Variants in C2CD3 observed in about 807,000 individuals in gnomAD.
The protein encoded by C2CD3 is C2 domain-containing protein 3.
In C2CD3, 148 loss-of-function variants were observed where a neutral mutation model predicts 234.0. That is an observed-to-expected ratio of 0.63 (90% CI 0.55 to 0.72). The LOEUF (loss-of-function observed/expected upper bound fraction) is 0.72. Ranked by LOEUF, C2CD3 falls within the 30% of genes least tolerant of loss-of-function variation. The pLI is 0.00. For synonymous variants in C2CD3, 1,000 were observed against 1,035.4 expected, an observed-to-expected ratio of 0.97 and a Z score of 0.66; for missense variants, 2,577 against 2,811.5, an observed-to-expected ratio of 0.92 and a Z score of 1.89.
intron 23 of C2CD3, among the ~76,000 whole-genome samples, chr11:74,077,770 AGT>A (rs1955106482): frequency 1.1e-5 from 1 of 93,450 alleles, no homozygotes; most frequent in African/African-American, 3.6e-5. Context: ...CAGAACTTAC[AGT>A]ATATATATAT....
chr11:74,016,045 C>T (rs1951870289), intron 32 of C2CD3, among the ~76,000 whole-genome samples: 1 of 152,286 alleles, frequency 6.6e-6, no homozygotes, highest in Non-Finnish European at 1.5e-5. Flanking sequence ...CTACTGCACT[C>T]CAACCTGGGT....
rs755460947 is a variant in C2CD3, at chr11:74,113,760, A to G, written c.1843+20T>C. 2 of 1,370,938 alleles carry G rather than the reference A, an allele frequency of 1.5e-6. No homozygotes were observed. The highest frequency in any genetic ancestry group is 2.8e-5 in the African/African-American group (2 of 70,214). The allele number at this position is 1,370,938 out of a possible 1,614,324, so 84.9% of individuals were successfully genotyped here. On this transcript the variant is annotated intron_variant, in intron 11 of 32. Coordinates refer to ENST00000334126, the MANE Select transcript of C2CD3 (RefSeq NM_001286577.2). ...CAAAGTCAGAATGTCTAAGGTGCAG[A>G]AAACCAGTGTGTCTCTTACTTCCAT...
chr11:74,078,217 C>A lies in C2CD3; in HGVS notation c.4501G>T (p.Asp1501Tyr). 6.2e-7 allele frequency: 1 copy of A among 1,614,148 alleles called. No homozygotes were observed. The highest frequency in any genetic ancestry group is 2.2e-5 in the East Asian group (1 of 44,868). ...GTCTGATGGGGTCTCTCCACACTGT[C>A]ATTGCCATAAGCTCGCCACACTTGG... ...EIQVWRAYGN[D>Y]SVERPHQTDS... Residue 1501 changes from aspartate (D) to tyrosine (Y), a missense_variant, in exon 23 of 33, where the codon GAC (aspartate) becomes TAC (tyrosine). Transcript: ENST00000334126.
rs948581297 is a variant in C2CD3 at position 74,013,120 on chromosome 11, T to G, written c.*265A>C. 1 of 231,872 alleles carries G rather than the reference T, an allele frequency of 4.3e-6. No individual in the cohort carries two copies. The highest frequency in any genetic ancestry group is 5.7e-5 in the Admixed American group (1 of 17,492). 14.4% of individuals were successfully genotyped at this position (231,872 alleles called of 1,614,324 possible). On this transcript the variant is annotated 3_prime_UTR_variant, in exon 33 of 33. Coordinates refer to ENST00000334126, the MANE Select transcript of C2CD3 (RefSeq NM_001286577.2). Reference sequence around the variant, plus strand: ...CGAAAGATGCCTGCTTGGGTCCCACTTGGGCGCGGATTCCATTTTATTTCT... The same window carrying G: ...CGAAAGATGCCTGCTTGGGTCCCACGTGGGCGCGGATTCCATTTTATTTCT...
At chr11:74,159,101 G>A (rs552653193) in intron 3 of C2CD3, among the ~76,000 whole-genome samples, 9 of 151,994 alleles carry the variant, frequency 5.9e-5, no homozygotes, top group African/African-American at 1.7e-4. Context: ...AATTCCTATC[G>A]CCTAGTGACT....
intron 31 of C2CD3, among the ~76,000 whole-genome samples, chr11:74,029,435 GAATGAATGA>G (rs2135409295): frequency 6.6e-6 from 1 of 152,338 alleles, no homozygotes; most frequent in Admixed American, 6.5e-5. Flanking sequence ...AATATCTTGT[GAATGAATGA>G]AATGCATTGA....
At chr11:74,115,207 C>CAT (rs1956882943) in intron 9 of C2CD3, among the ~76,000 whole-genome samples, 1 of 151,606 alleles carries the variant, frequency 6.6e-6, no homozygotes, top group African/African-American at 2.4e-5. Flanking sequence ...CACACACACA[C>CAT]ACATACATAC....
intron 3 of C2CD3, 138 bp from the exon 4 acceptor site, chr11:74,139,966 G>A: frequency 2.1e-6 from 1 of 481,770 alleles, no homozygotes; most frequent in African/African-American, 2.6e-5. Context: ...CTAGAGGATT[G>A]TAAGGAATGT....
rs548334407 is a variant in C2CD3 at position 74,082,833 on chromosome 11, G to A, written c.4000+2048C>T. Reference sequence around the variant, plus strand: ...AAGAACATTCCATGCTCATGGATAGGAAGAATCAATATTGTGAAAATGGCC... The same window carrying A: ...AAGAACATTCCATGCTCATGGATAGAAAGAATCAATATTGTGAAAATGGCC... On this transcript the variant is annotated intron_variant, in intron 22 of 32. Transcript: ENST00000334126. Among the ~76,000 whole-genome samples, 10 of 152,266 alleles carry A rather than the reference G, an allele frequency of 6.6e-5. No individual in the cohort carries two copies. The South Asian group carries it at 2.1e-3, about 32-fold the overall frequency.
chr11:74,117,854 G>T (rs184357399), intron 9 of C2CD3, among the ~76,000 whole-genome samples: 2 of 151,458 alleles, frequency 1.3e-5, no homozygotes, highest in African/African-American at 4.9e-5. Context: ...TGGAGGTTGC[G>T]GTGATCTGAG....
chr11:74,108,446 A>AT (rs1245580494), intron 12 of C2CD3, among the ~76,000 whole-genome samples: 7 of 152,230 alleles, frequency 4.6e-5, no homozygotes, highest in African/African-American at 1.4e-4. Flanking sequence ...GTTATAGTTT[A>AT]TTGATTTACA....
At chr11:74,102,717 C>T (rs1430894037) in intron 14 of C2CD3, among the ~76,000 whole-genome samples, 1 of 152,094 alleles carries the variant, frequency 6.6e-6, no homozygotes. Flanking sequence ...TTAAGCACCA[C>T]ATTACACAGA....
At chr11:74,150,367 A>G (rs1428142583) in intron 3 of C2CD3, among the ~76,000 whole-genome samples, 1 of 151,646 alleles carries the variant, frequency 6.6e-6, no homozygotes, top group Non-Finnish European at 1.5e-5. Flanking sequence ...ACATGCCTGT[A>G]ATCCTAGCTA....
rs1302247838 is a variant in C2CD3 at position 74,090,837 on chromosome 11, GCT to G, written c.3615_3616del (p.Arg1205SerfsTer13). The G allele has an allele frequency of 6.2e-7, 1 of 1,614,118 alleles. No homozygotes were observed. Among genetic ancestry groups the G allele is most frequent in the Non-Finnish European group, 8.5e-7 (1 of 1,179,990 alleles). On this transcript the variant is annotated frameshift_variant, in exon 20 of 33. Coordinates refer to ENST00000334126, the MANE Select transcript of C2CD3 (RefSeq NM_001286577.2). LOFTEE classifies it high-confidence loss of function. ...CTTGGCTGCTGCTTGCAGACCACAGGCTCTGATAATCTGGACTGAGATGGAAA... is the reference window on the plus strand; with the variant it reads ...CTTGGCTGCTGCTTGCAGACCACAGGCTGATAATCTGGACTGAGATGGAAA...
intron 30 of C2CD3, chr11:74,034,532 C>T (rs1952647884): frequency 6.2e-7 from 1 of 1,612,190 alleles, no homozygotes. Context: ...CAGAGACTAT[C>T]TGCTCATGCT....
intron 19 of C2CD3, 54 bp downstream of exon 19, chr11:74,092,362 A>G: frequency 6.6e-7 from 1 of 1,520,824 alleles, no homozygotes; most frequent in Admixed American, 1.7e-5. Flanking sequence ...GCTATTTTAT[A>G]TATTTTTATG....
At chr11:74,076,835 G>A (rs1955061952) in intron 23 of C2CD3, among the ~76,000 whole-genome samples, 1 of 152,026 alleles carries the variant, frequency 6.6e-6, no homozygotes, top group South Asian at 2.1e-4. Context: ...CTTTCACTGA[G>A]ATGCTATCCT....
chr11:74,050,284 C>T (rs1953614413), intron 26 of C2CD3, among the ~76,000 whole-genome samples: 1 of 151,940 alleles, frequency 6.6e-6, no homozygotes, highest in African/African-American at 2.4e-5. Flanking sequence ...CAAAGTGATG[C>T]AAATTAAAAA....
intron 5 of C2CD3, among the ~76,000 whole-genome samples, chr11:74,134,221 A>G (rs1957782514): frequency 6.6e-6 from 1 of 152,244 alleles, no homozygotes; most frequent in Non-Finnish European, 1.5e-5. Context: ...TGAGGCAGAG[A>G]GTAGGTAACT....
Sources: gnomAD v4.1 joint callset for allele counts (sites outside exome capture counted in the v4.1 genomes callset) on GRCh38, gnomAD v4.1.1 for gene constraint, MANE v1.5 for transcripts, NCBI Gene and HGNC (gene_info 2026-07-23, HGNC 2026-07-21) for gene names.